Variants in ARHGAP26 observed in about 807,000 individuals in gnomAD.
ARHGAP26 encodes the protein Rho GTPase activating protein 26, also known as rho GTPase-activating protein 26.
In ARHGAP26, 38 loss-of-function variants were observed where a neutral mutation model predicts 104.8. The observed-to-expected ratio is 0.36, with a 90% CI of 0.28 to 0.48. ARHGAP26 has a LOEUF of 0.48. Among genes scored for constraint, ARHGAP26 ranks in the 20% least tolerant of loss-of-function variants. The probability of loss-of-function intolerance (pLI) is 0.99; values close to 1 mark genes in which losing one functional copy is unlikely to be tolerated. For missense variants in ARHGAP26, 704 were observed against 947.9 expected, an observed-to-expected ratio of 0.74 and a Z score of 3.38; for synonymous variants, 341 against 340.0, an observed-to-expected ratio of 1.00 and a Z score of -0.03.
chr5:142,886,094 A>G (rs1056754636), intron 5 of ARHGAP26, among the ~76,000 whole-genome samples: 2 of 152,176 alleles, frequency 1.3e-5, no homozygotes, highest in African/African-American at 4.8e-5. Flanking sequence ...AAGGGAGTTT[A>G]TGCTTCTTGG....
chr5:142,770,589 T>G lies in ARHGAP26; in HGVS notation c.-173T>G. ...GCACCTCGGCCGGGTCCGAGCTCGG[T>G]TCGGGAGTCTTGCGCGCCGGCGGAC... On this transcript the variant is annotated 5_prime_UTR_variant, in exon 1 of 23. Coordinates refer to ENST00000645722, the MANE Select transcript of ARHGAP26 (RefSeq NM_001135608.3). The G allele has an allele frequency of 1.0e-5, 3 of 297,874 alleles. No individual in the cohort carries two copies. Among genetic ancestry groups the G allele is most frequent in the Non-Finnish European group, 1.6e-5 (3 of 190,680 alleles). The allele number at this position is 297,874 out of a possible 1,614,324, so 18.5% of individuals were successfully genotyped here. A position where few individuals can be genotyped will look rare whatever the true frequency, so the allele number is the denominator to read the frequency against.
At chr5:143,003,095 C>T (rs779426221) in intron 11 of ARHGAP26, among the ~76,000 whole-genome samples, 34 of 152,264 alleles carry the variant, frequency 2.2e-4, no homozygotes, top group South Asian at 6.2e-4. Context: ...CACGGGGTAG[C>T]GGAGGAGAAG....
At chr5:142,804,260 C>CAT (rs539810464) in intron 1 of ARHGAP26, among the ~76,000 whole-genome samples, 4 of 152,246 alleles carry the variant, frequency 2.6e-5, no homozygotes, top group Non-Finnish European at 4.4e-5. Flanking sequence ...TATACACACA[C>CAT]ATATATATAT....
intron 17 of ARHGAP26, among the ~76,000 whole-genome samples, chr5:143,081,622 G>C (rs552298265): frequency 6.6e-6 from 1 of 152,274 alleles, no homozygotes; most frequent in South Asian, 2.1e-4. Context: ...TATAAAATGG[G>C]AAGAATAATA....
intron 17 of ARHGAP26, among the ~76,000 whole-genome samples, chr5:143,087,960 A>G (rs1273035795): frequency 6.6e-6 from 1 of 152,102 alleles, no homozygotes; most frequent in African/African-American, 2.4e-5. Context: ...ATCCTGGCCC[A>G]TTCTTTAGAA....
At chr5:143,214,698 C>G (rs1163111713) in intron 22 of ARHGAP26, among the ~76,000 whole-genome samples, 1 of 152,106 alleles carries the variant, frequency 6.6e-6, no homozygotes, top group Admixed American at 6.5e-5. Flanking sequence ...GTGCCCAGCC[C>G]CTGCATTCAG....
chr5:142,926,737 A>G (rs1248338922), intron 10 of ARHGAP26, among the ~76,000 whole-genome samples: 1 of 152,052 alleles, frequency 6.6e-6, no homozygotes, highest in African/African-American at 2.4e-5. Context: ...GGAATCACAC[A>G]TGTCATTAGC....
intron 11 of ARHGAP26, among the ~76,000 whole-genome samples, chr5:143,009,872 C>A (rs1598611333): frequency 6.6e-6 from 1 of 152,204 alleles, no homozygotes; most frequent in Admixed American, 6.5e-5. Flanking sequence ...CTGTTTCAGT[C>A]TTCTGAGGAG....
intron 18 of ARHGAP26, among the ~76,000 whole-genome samples, chr5:143,124,612 G>C (rs1415789189): frequency 6.6e-6 from 1 of 152,224 alleles, no homozygotes; most frequent in Non-Finnish European, 1.5e-5. Context: ...CCATCATTCA[G>C]GAGTCCAGCC....
intron 11 of ARHGAP26, among the ~76,000 whole-genome samples, chr5:142,935,964 C>A (rs112185790): frequency 6.6e-6 from 1 of 152,068 alleles, no homozygotes; most frequent in Non-Finnish European, 1.5e-5. Flanking sequence ...TTGCTGTCAC[C>A]ACTCTTACTC....
chr5:143,181,385 C>T (rs1804337726), intron 20 of ARHGAP26, among the ~76,000 whole-genome samples: 1 of 152,240 alleles, frequency 6.6e-6, no homozygotes, highest in South Asian at 2.1e-4. Flanking sequence ...CTCTGGGGAA[C>T]ACTGTGTTCT....
chr5:143,008,755 T>G (rs576367931), intron 11 of ARHGAP26, among the ~76,000 whole-genome samples: 1 of 152,270 alleles, frequency 6.6e-6, no homozygotes, highest in Non-Finnish European at 1.5e-5. Flanking sequence ...GCTTTACTTA[T>G]GTCTTTAATA....
In ARHGAP26 at chr5:142,825,867, C is replaced by G. The variant is rs775544525; in HGVS notation, c.155-47533C>G. On this transcript the variant is annotated intron_variant, in intron 1 of 22. Coordinates refer to ENST00000645722, the MANE Select transcript of ARHGAP26 (RefSeq NM_001135608.3). ...GCGGAATCCCTCAGAACACAGTTCT[C>G]GAATCTGCCTGTAACAATGTTGCCT... is the stretch of plus-strand genomic sequence containing the variant. Among the ~76,000 whole-genome samples the G allele has an allele frequency of 5.3e-5, 8 of 152,198 alleles. No homozygotes were observed. In the East Asian group the frequency reaches 1.2e-3, roughly 22 times the overall value.
At chr5:142,994,463 G>A (rs1002503105) in intron 11 of ARHGAP26, among the ~76,000 whole-genome samples, 3 of 152,164 alleles carry the variant, frequency 2.0e-5, no homozygotes, top group Non-Finnish European at 4.4e-5. Flanking sequence ...CAACCATAAA[G>A]GATTTGAGCA....
At chr5:142,980,854 G>A (rs1288798214) in intron 11 of ARHGAP26, among the ~76,000 whole-genome samples, 1 of 152,186 alleles carries the variant, frequency 6.6e-6, no homozygotes, top group African/African-American at 2.4e-5. Flanking sequence ...CACCAGCAAT[G>A]TGTGAGGGTT....
At chr5:143,083,339 G>A (rs942402137) in intron 17 of ARHGAP26, among the ~76,000 whole-genome samples, 5 of 152,110 alleles carry the variant, frequency 3.3e-5, no homozygotes, top group Non-Finnish European at 7.4e-5. Flanking sequence ...TCTTTGTCTC[G>A]TTTTCTCCCC....
At chr5:143,183,088 A>AAG (rs1554262207) in intron 20 of ARHGAP26, among the ~76,000 whole-genome samples, 1 of 151,736 alleles carries the variant, frequency 6.6e-6, no homozygotes, top group African/African-American at 2.4e-5. Context: ...AAAAAAAAAA[A>AAG]AAAGAAAAAA....
intron 12 of ARHGAP26, among the ~76,000 whole-genome samples, chr5:143,030,636 A>G (rs1260646756): frequency 6.6e-6 from 1 of 152,242 alleles, no homozygotes; most frequent in Non-Finnish European, 1.5e-5. Flanking sequence ...CAAAAGGTTA[A>G]AAGAACTCAT....
chr5:143,124,912 A>C (rs1191825653), intron 18 of ARHGAP26, among the ~76,000 whole-genome samples: 1 of 152,172 alleles, frequency 6.6e-6, no homozygotes, highest in Non-Finnish European at 1.5e-5. Flanking sequence ...TGTGCTGAGC[A>C]TGGGTAGCAA....
Sources: gnomAD v4.1 joint callset for allele counts (sites outside exome capture counted in the v4.1 genomes callset) on GRCh38, gnomAD v4.1.1 for gene constraint, MANE v1.5 for transcripts, NCBI Gene and HGNC (gene_info 2026-07-23, HGNC 2026-07-21) for gene names.